RPL3L: variants seen among roughly 807,000 people sequenced by gnomAD.
RPL3L encodes ribosomal protein uL3-like.
RPL3L carries 44 observed loss-of-function variants against 44.5 expected under a neutral mutation model. The observed-to-expected ratio is 0.99, with a 90% CI of 0.78 to 1.27. The LOEUF is 1.27. Ranked by LOEUF, RPL3L falls within the 50% of genes most tolerant of loss-of-function variation. The pLI is 0.00. For synonymous variants in RPL3L, 292 were observed against 230.7 expected (o/e 1.27, Z -2.41); for missense variants, 631 against 569.1 (o/e 1.11, Z -1.11).
chr16:1,951,741 T>A (rs1242619476), intron 3 of RPL3L, among the ~76,000 whole-genome samples: 4 of 145,602 alleles, frequency 2.7e-5, no homozygotes, highest in African/African-American at 1.0e-4. Context: ...TTATTATTAT[T>A]ATTATTATTA....
In RPL3L at chr16:1,952,861, G is replaced by A. The variant is rs748696011; in HGVS notation, c.365+13C>T. The A allele has an allele frequency of 8.1e-6, 13 of 1,613,246 alleles. No homozygotes were observed. In the Admixed American group the frequency reaches 8.3e-5, roughly 10 times the overall value. ...AGCAGCCCTTGGACGGCCCAGCCAA[G>A]GGCGGTGCTCACCAGTCCTTGTAGA... On this transcript the variant is annotated intron_variant, in intron 3 of 9. Coordinates refer to ENST00000268661, the MANE Select transcript of RPL3L (RefSeq NM_005061.3).
Position 1,945,588 on chromosome 16 carries a change from C to G in RPL3L, c.1078G>C (p.Val360Leu), listed in dbSNP as rs140116056. 2.5e-6 allele frequency: 4 copies of G among 1,613,898 alleles called. No homozygotes were observed. Among genetic ancestry groups the G allele is most frequent in the South Asian group, 2.2e-5 (2 of 91,072 alleles). ...SLLVHHSRQAVENIELKFIDT... is the reference protein window; with the variant it reads ...SLLVHHSRQALENIELKFIDT... ...ATGAACTTGAGCTCAATATTCTCCACGGCTTGGCGACTGTGATGCACCAGG... is the reference window on the plus strand; with the variant it reads ...ATGAACTTGAGCTCAATATTCTCCAGGGCTTGGCGACTGTGATGCACCAGG... The change falls in exon 9 of 10, where the codon GTG (valine) becomes CTG (leucine). Residue 360 changes from valine to leucine, a missense_variant. Coordinates refer to ENST00000268661, the MANE Select transcript of RPL3L (RefSeq NM_005061.3).
At chr16:1,947,162 G>T (rs769839958) in intron 5 of RPL3L, 32 bp downstream of exon 5, 2 of 1,612,848 alleles carry the variant, frequency 1.2e-6, no homozygotes, top group East Asian at 2.2e-5. Flanking sequence ...CAGGCAGCCT[G>T]CCCTGGAGCT....
rs141789055 is a variant in RPL3L at position 1,945,895 on chromosome 16, G to A, written c.987C>T (p.Asp329=). The A allele has an allele frequency of 9.3e-6, 15 of 1,613,626 alleles. No homozygotes were observed. The Middle Eastern group carries it at 8.3e-4, about 89-fold the overall frequency. ...GFPHYGEVNN[D]FVMLKGCIAG... ...CAATACAACCCTTCAGCATGACGAAGTCGTTGTTCACTTCCCCGTAGTGGG... is the reference window on the plus strand; with the variant it reads ...CAATACAACCCTTCAGCATGACGAAATCGTTGTTCACTTCCCCGTAGTGGG... The change falls in exon 8 of 10, where the codon GAC becomes GAT. Residue 329 remains aspartate, a synonymous_variant. Coordinates refer to ENST00000268661, the MANE Select transcript of RPL3L (RefSeq NM_005061.3).
At chr16:1,952,606 C>A (rs920388831) in intron 3 of RPL3L, among the ~76,000 whole-genome samples, 4 of 152,096 alleles carry the variant, frequency 2.6e-5, no homozygotes, top group Non-Finnish European at 4.4e-5. Flanking sequence ...AAACTCCTGA[C>A]CTCAAGTGAT....
At chr16:1,952,756 T>G in intron 3 of RPL3L, 118 bp downstream of exon 3, 1 of 1,199,090 alleles carries the variant, frequency 8.3e-7, no homozygotes, top group Non-Finnish European at 1.2e-6. Flanking sequence ...CCACAGACGG[T>G]TGAGACTTCG....
intron 2 of RPL3L, 104 bp from the exon 3 acceptor site, chr16:1,953,146 C>T: frequency 5.8e-6 from 7 of 1,215,206 alleles, no homozygotes; most frequent in Non-Finnish European, 7.9e-6. Flanking sequence ...GAGTGTGGGG[C>T]CAGCCAGGAC....
At position 1,954,672 on chromosome 16, in the gene RPL3L, A is replaced by G; in HGVS notation, c.-41T>C. 2.0e-6 allele frequency: 3 copies of G among 1,509,212 alleles called. No individual in the cohort carries two copies. The highest frequency in any genetic ancestry group is 1.8e-6 in the Non-Finnish European group (2 of 1,127,706). 93.5% of individuals were successfully genotyped at this position (1,509,212 alleles called of 1,614,324 possible). A position where few individuals can be genotyped will look rare whatever the true frequency, so the allele number is the denominator to read the frequency against. ...AAGGTCAGGAAGGGGCCTCGCCGCTAGCCGCCAGAGGTCGAGTGGCAGGGC... is the reference window on the plus strand; with the variant it reads ...AAGGTCAGGAAGGGGCCTCGCCGCTGGCCGCCAGAGGTCGAGTGGCAGGGC... On this transcript the variant is annotated 5_prime_UTR_variant, in exon 1 of 10. Coordinates refer to ENST00000268661, the MANE Select transcript of RPL3L (RefSeq NM_005061.3).
At chr16:1,948,093 T>A (rs925166041) in intron 4 of RPL3L, among the ~76,000 whole-genome samples, 22 of 149,928 alleles carry the variant, frequency 1.5e-4, no homozygotes, top group Admixed American at 2.7e-4. Context: ...GCCCGCCACC[T>A]CGACCAGCTA....
At chr16:1,944,935 G>T in intron 9 of RPL3L, 42 bp from the exon 10 acceptor site, 1 of 1,613,162 alleles carries the variant, frequency 6.2e-7, no homozygotes. Flanking sequence ...AGTCACTCTG[G>T]CCAGAAACAC....
rs762874132 is a variant in RPL3L at position 1,954,649 on chromosome 16, G to C, written c.-18C>G. Reference sequence around the variant, plus strand: ...CCAACCATGGTGGCCGATCCCTGAAGGTCAGGAAGGGGCCTCGCCGCTAGC... The same window carrying C: ...CCAACCATGGTGGCCGATCCCTGAACGTCAGGAAGGGGCCTCGCCGCTAGC... On this transcript the variant is annotated 5_prime_UTR_variant, in exon 1 of 10. Transcript: ENST00000268661. 5.8e-6 allele frequency: 9 copies of C among 1,549,076 alleles called. No individual in the cohort carries two copies. The highest frequency in any genetic ancestry group is 7.8e-6 in the Non-Finnish European group (9 of 1,148,148).
At chr16:1,947,812 A>G (rs1350223532) in intron 4 of RPL3L, among the ~76,000 whole-genome samples, 1 of 152,052 alleles carries the variant, frequency 6.6e-6, no homozygotes, top group East Asian at 1.9e-4. Context: ...GAGGCCTTGG[A>G]AAGTTGGTGG....
intron 4 of RPL3L, among the ~76,000 whole-genome samples, chr16:1,948,382 C>A (rs2083141757): frequency 6.6e-6 from 1 of 151,864 alleles, no homozygotes; most frequent in Non-Finnish European, 1.5e-5. Context: ...TGCCACCATG[C>A]CCGGCTAATT....
chr16:1,950,725 C>T, intron 4 of RPL3L, 119 bp downstream of exon 4: 1 of 1,533,288 alleles, frequency 6.5e-7, no homozygotes, highest in South Asian at 1.1e-5. Flanking sequence ...TCAGCCGCTC[C>T]TCTGGGTCTG....
intron 4 of RPL3L, among the ~76,000 whole-genome samples, chr16:1,949,245 T>G (rs74494932): frequency 6.8e-5 from 7 of 102,902 alleles, no homozygotes; most frequent in Middle Eastern, 4.2e-3. Flanking sequence ...CTGATTTTTG[T>G]TTTTTTTTTT....
rs545144715 is a variant in RPL3L, at chr16:1,944,745, C to A, written c.*92G>T. 14 of 1,568,326 alleles carry A rather than the reference C, an allele frequency of 8.9e-6. No homozygotes were observed. In the South Asian group the frequency reaches 1.6e-4, roughly 17 times the overall value. ...ACCCCTTGGGCGGTTACACAGCGCT[C>A]TGAGACCTCGCAGGAAGAGTCGCCT... On this transcript the variant is annotated 3_prime_UTR_variant, in exon 10 of 10. Transcript: ENST00000268661.
Position 1,946,607 on chromosome 16 carries a change from GC to G in RPL3L, c.951+17del. On this transcript the variant is annotated intron_variant, in intron 7 of 9. Coordinates refer to ENST00000268661, the MANE Select transcript of RPL3L (RefSeq NM_005061.3). Reference sequence around the variant, plus strand: ...CAGCGGTGTGATGGGCCTGGCAGTCGCCCCCTCCCAGCCTCACCAGCGGTGT... The same window carrying G: ...CAGCGGTGTGATGGGCCTGGCAGTCGCCCCTCCCAGCCTCACCAGCGGTGT... 2.5e-6 allele frequency: 4 copies of G among 1,606,352 alleles called. No individual in the cohort carries two copies. The highest frequency in any genetic ancestry group is 2.6e-6 in the Non-Finnish European group (3 of 1,175,118).
At chr16:1,950,441 G>C (rs958852814) in intron 4 of RPL3L, among the ~76,000 whole-genome samples, 2 of 152,208 alleles carry the variant, frequency 1.3e-5, no homozygotes, top group South Asian at 2.1e-4. Flanking sequence ...AGATGCCAAA[G>C]AGTGTTCCAG....
At chr16:1,951,737 T>C (rs1220542965) in intron 3 of RPL3L, among the ~76,000 whole-genome samples, 2 of 145,014 alleles carry the variant, frequency 1.4e-5, no homozygotes, top group Admixed American at 6.9e-5. Flanking sequence ...ATTATTATTA[T>C]TATTATTATT....
Sources: gnomAD v4.1 joint callset for allele counts (sites outside exome capture counted in the v4.1 genomes callset) on GRCh38, gnomAD v4.1.1 for gene constraint, MANE v1.5 for transcripts, NCBI Gene and HGNC (gene_info 2026-07-23, HGNC 2026-07-21) for gene names.